Variants in ZNF704 observed in about 807,000 individuals in gnomAD.
ZNF704 encodes the protein zinc finger protein 704.
In ZNF704, 10 loss-of-function variants were observed where a neutral mutation model predicts 44.7. That is an observed-to-expected ratio of 0.22 (90% CI 0.14 to 0.38). The LOEUF is 0.38. ZNF704 is among the 10% of genes least tolerant of loss of function. The pLI, the probability that ZNF704 is intolerant of heterozygous loss-of-function variation, is 1.00. For missense variants in ZNF704, 390 were observed against 545.5 expected (o/e 0.71, Z 2.84); for synonymous variants, 211 against 207.6 (o/e 1.02, Z -0.14).
intron 2 of ZNF704, among the ~76,000 whole-genome samples, chr8:80,736,996 C>T (rs1371095959): frequency 1.3e-5 from 2 of 151,762 alleles, no homozygotes; most frequent in Non-Finnish European, 2.9e-5. Context: ...AAGAATTACT[C>T]TTCCAAGTAG....
Position 80,861,532 on chromosome 8 carries a change from T to C in ZNF704, c.-22+13039A>G, listed in dbSNP as rs190124941. Among the ~76,000 whole-genome samples the C allele has an allele frequency of 4.1e-3, 621 of 152,306 alleles. 6 individuals carry two copies. The highest frequency in any genetic ancestry group is 0.014 in the African/African-American group (585 of 41,560). ...GATGATGGCTGCACAACTCTGTGAA[T>C]ATACTAAAGAACACTCAATTGTACA... On this transcript the variant is annotated intron_variant, in intron 1 of 8. Coordinates refer to ENST00000327835, the MANE Select transcript of ZNF704 (RefSeq NM_001033723.3).
chr8:80,883,144 A>T, the ZNF704 span, among the ~76,000 whole-genome samples: 1 of 148,690 alleles, frequency 6.7e-6, no homozygotes, highest in Admixed American at 6.8e-5. Context: ...GCTACTCAGG[A>T]GGCTGAAGTG....
chr8:80,875,142 A>G (rs553713086), upstream of ZNF704, among the ~76,000 whole-genome samples: 13 of 152,338 alleles, frequency 8.5e-5, no homozygotes, highest in African/African-American at 2.2e-4. Flanking sequence ...AGAAATTAAT[A>G]TGAAGTAAGA....
At chr8:80,853,078 A>C (rs1371671388) in intron 1 of ZNF704, among the ~76,000 whole-genome samples, 1 of 152,184 alleles carries the variant, frequency 6.6e-6, no homozygotes, top group Non-Finnish European at 1.5e-5. Flanking sequence ...ACACAGAAAG[A>C]ATCTGTGAAA....
At chr8:80,743,090 G>C (rs950204457) in intron 2 of ZNF704, among the ~76,000 whole-genome samples, 2 of 150,872 alleles carry the variant, frequency 1.3e-5, no homozygotes, top group African/African-American at 4.9e-5. Context: ...AACAATGATC[G>C]GGATATAAAC....
chr8:80,783,308 T>C (rs1807560421), intron 2 of ZNF704, among the ~76,000 whole-genome samples: 1 of 152,328 alleles, frequency 6.6e-6, no homozygotes, highest in East Asian at 1.9e-4. Context: ...TATGTGACTT[T>C]AGTCCATTCT....
chr8:80,651,967 C>T (rs1817927721), intron 7 of ZNF704, among the ~76,000 whole-genome samples: 1 of 151,942 alleles, frequency 6.6e-6, no homozygotes, highest in African/African-American at 2.4e-5. Context: ...AACAAACTGT[C>T]TCTCAGACCA....
At chr8:80,727,420 G>GGTTTTT (rs1166904489) in intron 2 of ZNF704, among the ~76,000 whole-genome samples, 4 of 151,822 alleles carry the variant, frequency 2.6e-5, no homozygotes, top group South Asian at 2.1e-4. Flanking sequence ...TTCTGCAACT[G>GGTTTTT]GTTTTTGTTT....
intron 4 of ZNF704, among the ~76,000 whole-genome samples, chr8:80,672,655 C>T (rs867447338): frequency 1.8e-4 from 27 of 152,022 alleles, no homozygotes; most frequent in African/African-American, 6.3e-4. Flanking sequence ...TGAATTGATG[C>T]GGAAACAGAA....
At chr8:80,741,241 C>A (rs542820875) in intron 2 of ZNF704, among the ~76,000 whole-genome samples, 2 of 152,196 alleles carry the variant, frequency 1.3e-5, no homozygotes, top group African/African-American at 4.8e-5. Flanking sequence ...AAGATGGACA[C>A]CTGAAGCAGA....
In ZNF704 at chr8:80,664,800, T is replaced by TC; in HGVS notation, c.927+14dup. 1 of 1,613,576 alleles carries TC rather than the reference T, an allele frequency of 6.2e-7. No individual in the cohort carries two copies. Among genetic ancestry groups the TC allele is most frequent in the Non-Finnish European group, 8.5e-7 (1 of 1,179,506 alleles). On this transcript the variant is annotated intron_variant, in intron 6 of 8. Transcript: ENST00000327835. The stretch of plus-strand genomic sequence containing the variant: ...AAGGTCAAAGTGATTGCTCTCACAG[T>TC]CCCCTGCAAGTCACCTGGTAAGCAT...
chr8:80,764,797 T>A (rs1464820775), intron 2 of ZNF704, among the ~76,000 whole-genome samples: 1 of 152,236 alleles, frequency 6.6e-6, no homozygotes, highest in Non-Finnish European at 1.5e-5. Context: ...CTCGTACGCT[T>A]ATCACAGACT....
chr8:80,692,653 T>G (rs1380268502), intron 3 of ZNF704, among the ~76,000 whole-genome samples: 6 of 152,158 alleles, frequency 3.9e-5, no homozygotes, highest in Admixed American at 3.9e-4. Flanking sequence ...GCCTCCCCAG[T>G]CAAACAGAAA....
intron 1 of ZNF704, 50 bp from the exon 2 acceptor site, chr8:80,821,665 T>C (rs1808274031): frequency 2.1e-6 from 3 of 1,398,696 alleles, no homozygotes; most frequent in East Asian, 2.3e-5. Context: ...ATCACCTTTG[T>C]ACGACTACTG....
intron 2 of ZNF704, among the ~76,000 whole-genome samples, chr8:80,805,402 A>G (rs1807972681): frequency 6.6e-6 from 1 of 152,186 alleles, no homozygotes; most frequent in Admixed American, 6.5e-5. Flanking sequence ...ACAAGTCACT[A>G]TAGCCATCAA....
At chr8:80,736,427 G>A (rs981146630) in intron 2 of ZNF704, among the ~76,000 whole-genome samples, 1 of 152,172 alleles carries the variant, frequency 6.6e-6, no homozygotes. Flanking sequence ...TTACAGGCAC[G>A]CGCCACCACG....
intron 2 of ZNF704, among the ~76,000 whole-genome samples, chr8:80,800,453 C>T (rs1039229446): frequency 2.0e-5 from 3 of 152,176 alleles, no homozygotes; most frequent in African/African-American, 7.2e-5. Context: ...ATCAGACTAA[C>T]AGTGGACCTC....
the ZNF704 span, among the ~76,000 whole-genome samples, chr8:80,880,255 C>G: frequency 1.3e-5 from 2 of 152,154 alleles, no homozygotes; most frequent in Non-Finnish European, 2.9e-5. Context: ...TCTGGATGGC[C>G]CAGTCCGAAT....
intron 5 of ZNF704, among the ~76,000 whole-genome samples, chr8:80,667,926 T>C (rs1164760304): frequency 6.6e-6 from 1 of 152,140 alleles, no homozygotes; most frequent in African/African-American, 2.4e-5. Flanking sequence ...ATAGGGTGCT[T>C]AGAAGCAGAT....
Sources: gnomAD v4.1 joint callset for allele counts (sites outside exome capture counted in the v4.1 genomes callset) on GRCh38, gnomAD v4.1.1 for gene constraint, MANE v1.5 for transcripts, NCBI Gene and HGNC (gene_info 2026-07-23, HGNC 2026-07-21) for gene names.